The following KCTD1 variants were observed in gnomAD, a reference collection of about 807,000 sequenced individuals.
KCTD1 encodes the protein potassium channel tetramerization domain containing 1.
KCTD1 carries 24 observed loss-of-function variants against 66.0 expected under a neutral mutation model. The observed-to-expected ratio is 0.36, with a 90% CI of 0.26 to 0.51. KCTD1 has a LOEUF of 0.51. Ranked by LOEUF, KCTD1 falls within the 20% of genes least tolerant of loss-of-function variation. The pLI, the probability that KCTD1 is intolerant of heterozygous loss-of-function variation, is 0.95. For synonymous variants in KCTD1, 511 were observed against 517.2 expected (o/e 0.99, Z 0.16); for missense variants, 943 against 1,205.2 (o/e 0.78, Z 3.22).
At chr18:26,488,590 T>C (rs1982033668) in intron 2 of KCTD1, among the ~76,000 whole-genome samples, 1 of 152,198 alleles carries the variant, frequency 6.6e-6, no homozygotes, top group Non-Finnish European at 1.5e-5. Flanking sequence ...GAAACAAGTT[T>C]GGGCGAGCTC....
At chr18:26,563,982 T>G (rs1042493019) in intron 1 of KCTD1, among the ~76,000 whole-genome samples, 5 of 151,824 alleles carry the variant, frequency 3.3e-5, no homozygotes, top group Admixed American at 6.5e-5. Flanking sequence ...ATTTTTCTTC[T>G]TAACCAGACT....
intron 1 of KCTD1, among the ~76,000 whole-genome samples, chr18:26,539,437 C>G (rs529793630): frequency 1.3e-5 from 2 of 152,240 alleles, no homozygotes; most frequent in East Asian, 3.9e-4. Context: ...TTCCCACAAG[C>G]TCCCAAGTAA....
At chr18:26,491,222 C>T (rs1245671985) in intron 2 of KCTD1, among the ~76,000 whole-genome samples, 1 of 152,054 alleles carries the variant, frequency 6.6e-6, no homozygotes, top group Non-Finnish European at 1.5e-5. Context: ...CCAGCAGCAA[C>T]AAGAAAGGAG....
chr18:26,483,862 T>C (rs1981780035), intron 2 of KCTD1, among the ~76,000 whole-genome samples: 1 of 151,980 alleles, frequency 6.6e-6, no homozygotes, highest in African/African-American at 2.4e-5. Flanking sequence ...GGAGATGGTG[T>C]TGCAACCTTT....
At chr18:26,637,146 T>G (rs887520983) in intron 1 of KCTD1, among the ~76,000 whole-genome samples, 1 of 152,128 alleles carries the variant, frequency 6.6e-6, no homozygotes, top group South Asian at 2.1e-4. Context: ...CTGTTTAAAT[T>G]TTTTTGTTGT....
intron 2 of KCTD1, among the ~76,000 whole-genome samples, chr18:26,494,542 T>A (rs1303893496): frequency 6.6e-6 from 1 of 152,244 alleles, no homozygotes; most frequent in African/African-American, 2.4e-5. Context: ...ATCCAGCAGT[T>A]GTGCAAGGTA....
At chr18:26,548,978 C>A (rs1240646568), upstream of KCTD1, 1 of 985,338 alleles carries the variant, frequency 1.0e-6, no homozygotes, top group Non-Finnish European at 1.2e-6. Flanking sequence ...AAGTAATGCC[C>A]GAGGAGCAGT....
intron 1 of KCTD1, chr18:26,657,339 AC>A (rs1988180092): frequency 2.0e-6 from 2 of 984,908 alleles, no homozygotes; most frequent in South Asian, 9.4e-5. Flanking sequence ...ATAATAACAA[AC>A]CCAAACCGTC....
In KCTD1 at chr18:26,455,568, T is replaced by A; in HGVS notation, c.*175A>T. 1.7e-6 allele frequency: 1 copy of A among 593,654 alleles called. No homozygotes were observed. The highest frequency in any genetic ancestry group is 2.9e-6 in the Non-Finnish European group (1 of 347,780). 36.8% of individuals were successfully genotyped at this position (593,654 alleles called of 1,614,324 possible). A position where few individuals can be genotyped will look rare whatever the true frequency, so the allele number is the denominator to read the frequency against. On this transcript the variant is annotated 3_prime_UTR_variant, in exon 5 of 5. Transcript: ENST00000580059. ...ATTTTTTACACCTTGAGGATATCACTATTCCAATTGTTCCCATATGAATAC... is the reference window on the plus strand; with the variant it reads ...ATTTTTTACACCTTGAGGATATCACAATTCCAATTGTTCCCATATGAATAC...
chr18:26,574,658 T>C (rs1986183651), intron 1 of KCTD1, among the ~76,000 whole-genome samples: 1 of 152,262 alleles, frequency 6.6e-6, no homozygotes, highest in African/African-American at 2.4e-5. Flanking sequence ...TTTAATGTAC[T>C]ATATTTCACT....
At position 26,499,088 on chromosome 18, in the gene KCTD1, G is replaced by C. The variant is rs371283789; in HGVS notation, c.1988+1984C>G. Among the ~76,000 whole-genome samples, 41 of 152,278 alleles carry C rather than the reference G, an allele frequency of 2.7e-4. No individual in the cohort carries two copies. In the East Asian group the frequency reaches 6.0e-3, roughly 22 times the overall value. On this transcript the variant is annotated intron_variant, in intron 2 of 4. Coordinates refer to ENST00000580059, the MANE Select transcript of KCTD1 (RefSeq NM_001142730.3). ...TATTGCTTAAGTCACAGAAAATATA[G>C]TTTTTATTAACTTCCCTCCTGTCTC...
chr18:26,517,654 T>C (rs1440108977), intron 1 of KCTD1, among the ~76,000 whole-genome samples: 1 of 98,460 alleles, frequency 1.0e-5, no homozygotes, highest in Non-Finnish European at 1.9e-5. Flanking sequence ...CGAAACTCCG[T>C]CTCCAAAAAA....
intron 3 of KCTD1, among the ~76,000 whole-genome samples, chr18:26,472,004 G>A (rs914998730): frequency 2.0e-5 from 3 of 152,108 alleles, no homozygotes; most frequent in Admixed American, 6.5e-5. Context: ...CGTGGGAGGC[G>A]AAGAAGAGGA....
chr18:26,510,227 G>A (rs945759670), intron 1 of KCTD1, among the ~76,000 whole-genome samples: 3 of 152,186 alleles, frequency 2.0e-5, no homozygotes, highest in African/African-American at 7.2e-5. Flanking sequence ...GGGACAAGAT[G>A]CTAATTATGT....
At position 26,635,219 on chromosome 18, in the gene KCTD1, G is replaced by A. The variant is rs138135194; in HGVS notation, c.-107+5092C>T. On this transcript the variant is annotated intron_variant, in intron 1 of 5. Coordinates refer to the KCTD1 transcript ENST00000579973. ...TGTGCTGGACCTGTTTGTCTCTACC[G>A]TTTGGCCACCAAGTGACACTAAGCA... is the stretch of plus-strand genomic sequence containing the variant. Among the ~76,000 whole-genome samples the A allele has an allele frequency of 2.0e-3, 304 of 152,098 alleles. 1 individual carries two copies. Among genetic ancestry groups the A allele is most frequent in the Non-Finnish European group, 3.4e-3 (228 of 67,998 alleles).
intron 1 of KCTD1, among the ~76,000 whole-genome samples, chr18:26,602,348 T>C (rs1986917184): frequency 2.6e-5 from 4 of 152,226 alleles, no homozygotes; most frequent in Admixed American, 2.6e-4. Context: ...TCCATTTGTA[T>C]TCTGTTGAAA....
chr18:26,529,372 C>G (rs1209220622), intron 1 of KCTD1, among the ~76,000 whole-genome samples: 2 of 152,216 alleles, frequency 1.3e-5, no homozygotes, highest in Non-Finnish European at 2.9e-5. Context: ...AGCTTTCTCT[C>G]CCGCCACTTC....
In KCTD1 at chr18:26,505,193, C is replaced by A. The variant is rs143155486; in HGVS notation, c.1810-3943G>T. Reference sequence around the variant, plus strand: ...GGGGGCCTTGGCCAGGGATGCCAAGCATGGCTGCCTGCTGAGATGCAGCAG... The same window carrying A: ...GGGGGCCTTGGCCAGGGATGCCAAGAATGGCTGCCTGCTGAGATGCAGCAG... On this transcript the variant is annotated intron_variant, in intron 1 of 4. Transcript: ENST00000580059. Among the ~76,000 whole-genome samples, 1,434 of 152,404 alleles carry A rather than the reference C, an allele frequency of 9.4e-3. 11 individuals are homozygous for A. Among genetic ancestry groups the A allele is most frequent in the Middle Eastern group, 0.068 (20 of 294 alleles).
At chr18:26,523,729 C>T (rs926774494) in intron 1 of KCTD1, among the ~76,000 whole-genome samples, 1 of 152,226 alleles carries the variant, frequency 6.6e-6, no homozygotes, top group Non-Finnish European at 1.5e-5. Flanking sequence ...TACTATCTAA[C>T]ACAGTTTTTG....
Sources: allele counts gnomAD v4.1 joint callset (sites outside exome capture counted in the v4.1 genomes callset), GRCh38; gene constraint gnomAD v4.1.1; transcripts MANE v1.5; gene names NCBI Gene and HGNC (gene_info 2026-07-23, HGNC 2026-07-21).